CFAP65: variants seen among roughly 807,000 people sequenced by gnomAD.
CFAP65 encodes cilia- and flagella-associated protein 65.
CFAP65 carries 155 observed loss-of-function variants against 208.0 expected under a neutral mutation model. The observed-to-expected ratio is 0.75, with a 90% CI of 0.65 to 0.85. The LOEUF (loss-of-function observed/expected upper bound fraction) is 0.85. Ranked by LOEUF, CFAP65 falls within the 40% of genes least tolerant of loss-of-function variation. The pLI is 0.00. For synonymous variants in CFAP65, 970 were observed against 986.3 expected (o/e 0.98, Z 0.31); for missense variants, 2,294 against 2,451.3 (o/e 0.94, Z 1.36).
Position 219,032,673 on chromosome 2 carries a change from C to A in CFAP65, c.543-101G>T. The A allele has an allele frequency of 1.0e-6, 1 of 991,884 alleles. No individual in the cohort carries two copies. The highest frequency in any genetic ancestry group is 1.5e-6 in the Non-Finnish European group (1 of 669,946). The allele number at this position is 991,884 out of a possible 1,614,324, so 61.4% of individuals were successfully genotyped here. On this transcript the variant is annotated intron_variant, in intron 5 of 34. Transcript: ENST00000341552. The surrounding 1 kb of genome is among the most constrained non-coding windows in gnomAD (Gnocchi z 5.5). ...CCCTGCAGCCAAGGGAGCTTGAGTC[C>A]CTGGGACCACAGAGAAAGCGATCAG... is the stretch of plus-strand genomic sequence containing the variant.
rs1259495500 is a variant in CFAP65, at chr2:219,023,407, C to T, written c.2620G>A (p.Glu874Lys). The T allele has an allele frequency of 1.3e-6, 2 of 1,584,148 alleles. No homozygotes were observed. The highest frequency in any genetic ancestry group is 1.2e-5 in the South Asian group (1 of 86,888). Residue 874 changes from glutamate to lysine, a missense_variant, in exon 16 of 35, where the codon GAG becomes AAG. By Grantham distance (56) the Glu-to-Lys change is moderately conservative. Coordinates refer to ENST00000341552, the MANE Select transcript of CFAP65 (RefSeq NM_194302.4). ...LKEVSMYSRE[E>K]PLQLKLDTHK... is the part of the protein sequence containing the mutation. ...GTGTCCAGCTTCAGCTGCAGTGGCT[C>T]CTCCCGGCTGTACATGCTCACCTCC...
intron 29 of CFAP65, 33 bp downstream of exon 29, chr2:219,009,014 C>A (rs960781011): frequency 3.2e-6 from 5 of 1,564,358 alleles, no homozygotes; most frequent in Non-Finnish European, 4.4e-6. Flanking sequence ...TCAGAAAGAT[C>A]TGGGTGTTTG....
Position 219,027,755 on chromosome 2 carries a change from G to A in CFAP65, c.2106C>T (p.Ser702=). ...TGGACTTGAGTGGGGGCACGTCGCA[G>A]CTCTCTGGAGTCACCCAGAAGGGGC... ...SDCPFWVTPE[S]CDVPPLKSMA... The change falls in exon 13 of 35, where the codon AGC becomes AGT. Residue 702 remains serine, a synonymous_variant. Transcript: ENST00000341552. 2 of 1,614,124 alleles carry A rather than the reference G, an allele frequency of 1.2e-6. No individual in the cohort carries two copies. Among genetic ancestry groups the A allele is most frequent in the Non-Finnish European group, 1.7e-6 (2 of 1,180,028 alleles).
At chr2:219,019,221 C>T (rs781184009) in intron 20 of CFAP65, 42 bp from the exon 21 acceptor site, 4 of 1,578,048 alleles carry the variant, frequency 2.5e-6, no homozygotes, top group Non-Finnish European at 3.4e-6. Flanking sequence ...GGGGATGGGG[C>T]CAGGGCAGGG....
In CFAP65 at chr2:219,024,147, G is replaced by A; in HGVS notation, c.2463C>T (p.Ile821=). The A allele has an allele frequency of 6.2e-7, 1 of 1,614,048 alleles. No individual in the cohort carries two copies. The highest frequency in any genetic ancestry group is 1.3e-5 in the African/African-American group (1 of 75,070). ...CCACAAGGCCCGAAGTGGGCCGAAG[G>A]ATGACGTCTGAGCCTCTCTGGGGGG... ...SLAPQRGSDV[I]LRPTSGLVAP... The change falls in exon 15 of 35, where the codon ATC becomes ATT. Residue 821 remains isoleucine, a synonymous_variant. Transcript: ENST00000341552.
At chr2:219,013,416 T>A in intron 23 of CFAP65, 47 bp from the exon 24 acceptor site, 1 of 1,546,574 alleles carries the variant, frequency 6.5e-7, no homozygotes, top group Non-Finnish European at 8.8e-7. Context: ...CCAGTGGAGA[T>A]CTGGACCCCA....
chr2:219,025,625 C>T (rs888332407), intron 14 of CFAP65, among the ~76,000 whole-genome samples: 2 of 152,166 alleles, frequency 1.3e-5, no homozygotes, highest in African/African-American at 4.8e-5. Context: ...GGGCAGGGTG[C>T]TTCCCAAAGG....
At chr2:219,038,677 T>A (rs1436775820) in intron 3 of CFAP65, 99 bp from the exon 4 acceptor site, 2 of 1,247,626 alleles carry the variant, frequency 1.6e-6, no homozygotes, top group Non-Finnish European at 2.3e-6. Context: ...GAGGAGAGGG[T>A]CTGCTTCCCA....
At chr2:219,018,552 T>G (rs998459171) in intron 21 of CFAP65, 1 of 159,304 alleles carries the variant, frequency 6.3e-6, no homozygotes, top group Non-Finnish European at 1.4e-5. Context: ...TCAGTCTTCT[T>G]GCTGACTAAC....
rs141610482 is a variant in CFAP65, at chr2:219,035,746, G to T, written c.358-82C>A. ...GCCAAGACCCAGAGAACAGGTGAAG[G>T]TCTTCGTCCTCCACCACCAAGAAAA... On this transcript the variant is annotated intron_variant, in intron 4 of 34. Transcript: ENST00000341552. 233 of 1,512,914 alleles carry T rather than the reference G, an allele frequency of 1.5e-4. No homozygotes were observed. The East Asian group carries it at 5.2e-3, about 34-fold the overall frequency. 93.7% of individuals were successfully genotyped at this position (1,512,914 alleles called of 1,614,324 possible). A position where few individuals can be genotyped will look rare whatever the true frequency, so the allele number is the denominator to read the frequency against.
chr2:219,013,383 TTCC>T lies in CFAP65; in HGVS notation c.3847-17_3847-15del. 2.5e-6 allele frequency: 4 copies of T among 1,598,922 alleles called. No individual in the cohort carries two copies. The highest frequency in any genetic ancestry group is 3.4e-6 in the Non-Finnish European group (4 of 1,170,070). On this transcript the variant is annotated splice_polypyrimidine_tract_variant and intron_variant, in intron 23 of 34. Transcript: ENST00000341552. ...TATGAAATTTAGCTGGAAATAAAAG[TTCC>T]CCCGGAGGAACTGACACAGCCAGTG...
Position 219,030,722 on chromosome 2 carries a change from C to G in CFAP65, c.1128G>C (p.Ser376=). 1 of 1,614,144 alleles carries G rather than the reference C, an allele frequency of 6.2e-7. No individual in the cohort carries two copies. The highest frequency in any genetic ancestry group is 1.1e-5 in the South Asian group (1 of 91,088). Residue 376 remains serine (S), a synonymous_variant, in exon 9 of 35, where the codon TCG becomes TCC. Transcript: ENST00000341552. Reference sequence around the variant, plus strand: ...GGTTGTGTAGCCTGATCTGCCTCTCCGAGGTGCAGCCCACAGCAACAGAGC... The same window carrying G: ...GGTTGTGTAGCCTGATCTGCCTCTCGGAGGTGCAGCCCACAGCAACAGAGC... ...YFGSVAVGCT[S]ERQIRLHNPS...
intron 29 of CFAP65, 58 bp downstream of exon 29, chr2:219,008,989 C>T: frequency 1.4e-6 from 2 of 1,469,522 alleles, no homozygotes; most frequent in Non-Finnish European, 1.9e-6. Flanking sequence ...CCTCTGTCCC[C>T]TCTGGTAAGG....
At position 219,009,380 on chromosome 2, in the gene CFAP65, A is replaced by G. The variant is rs2106086884; in HGVS notation, c.4533T>C (p.His1511=). The G allele has an allele frequency of 6.2e-7, 1 of 1,612,708 alleles. No homozygotes were observed. Among genetic ancestry groups the G allele is most frequent in the African/African-American group, 1.3e-5 (1 of 75,032 alleles). Residue 1511 remains histidine (H), a synonymous_variant, in exon 28 of 35, where the codon CAT becomes CAC. Transcript: ENST00000341552. The stretch of plus-strand genomic sequence containing the variant: ...CCAGGTCTGCACTGTAGAAGCTGGC[A>G]TGCACAGAGGCCCTCAAGGTCACCA... ...PFVVTLRASV[H]ASFYSADLVC...
Position 219,032,567 on chromosome 2 carries a change from G to T in CFAP65, c.548C>A (p.Pro183His). 1 of 1,597,178 alleles carries T rather than the reference G, an allele frequency of 6.3e-7. No homozygotes were observed. Among genetic ancestry groups the T allele is most frequent in the East Asian group, 2.3e-5 (1 of 44,118 alleles). Residue 183 changes from proline (P) to histidine (H), a missense_variant, in exon 6 of 35, where the codon CCC becomes CAC. Around this residue, in one of 2 missense-constraint regions of CFAP65, gnomAD observed 867 missense variants for 1,012.6 expected, o/e 0.86. Transcript: ENST00000341552. The surrounding 1 kb of genome is among the most constrained non-coding windows in gnomAD (Gnocchi z 5.5). ...LKLQKMKYRP[P>H]KTKFFFTVIP... ...GACCGTGAAGAAGAACTTGGTCTTG[G>T]GGGGCCTGCAGGAGAGAGCCGGTGG...
Position 219,032,684 on chromosome 2 carries a change from A to C in CFAP65, c.543-112T>G. 3 of 880,308 alleles carry C rather than the reference A, an allele frequency of 3.4e-6. No individual in the cohort carries two copies. Among genetic ancestry groups the C allele is most frequent in the Non-Finnish European group, 1.7e-6 (1 of 576,018 alleles). The allele number at this position is 880,308 out of a possible 1,614,324, so 54.5% of individuals were successfully genotyped here. On this transcript the variant is annotated intron_variant, in intron 5 of 34. Transcript: ENST00000341552. The surrounding 1 kb of genome is among the most constrained non-coding windows in gnomAD (Gnocchi z 5.5). The stretch of plus-strand genomic sequence containing the variant: ...AGGGAGCTTGAGTCCCTGGGACCAC[A>C]GAGAAAGCGATCAGGAGATGAGCAC...
intron 18 of CFAP65, 120 bp from the exon 19 acceptor site, chr2:219,021,400 C>G (rs1947255084): frequency 8.1e-7 from 1 of 1,241,330 alleles, no homozygotes; most frequent in Non-Finnish European, 1.1e-6. Context: ...AGGCAGGAAA[C>G]AGGGAGTGGA....
chr2:219,024,192 C>T lies in CFAP65; in HGVS notation c.2418G>A (p.Lys806=), dbSNP rs368984324. The T allele has an allele frequency of 2.5e-6, 4 of 1,613,866 alleles. No individual in the cohort carries two copies. The African/African-American group carries it at 5.3e-5, about 22-fold the overall frequency. ...GGGGGGCCAGGCTGAAGGTCAGCAGCTTGCAGTCTTTGTTGACCAGGAGCA... is the reference window on the plus strand; with the variant it reads ...GGGGGGCCAGGCTGAAGGTCAGCAGTTTGCAGTCTTTGTTGACCAGGAGCA... ...RSLLLVNKDC[K]LLTFSLAPQR... is the part of the protein sequence containing the mutation. The change falls in exon 15 of 35, where the codon AAG becomes AAA. Residue 806 remains lysine (K), a synonymous_variant. Coordinates refer to ENST00000341552, the MANE Select transcript of CFAP65 (RefSeq NM_194302.4).
At chr2:219,023,085 T>G (rs1947373940) in intron 16 of CFAP65, 122 bp downstream of exon 16, 1 of 772,022 alleles carries the variant, frequency 1.3e-6, no homozygotes. Context: ...CATCGCCAGG[T>G]GGGGGAAGTT....
Sources: gnomAD v4.1 joint callset for allele counts (sites outside exome capture counted in the v4.1 genomes callset) on GRCh38, gnomAD v4.1.1 for gene constraint, gnomAD v4.1.1 regional missense constraint, Gnocchi (gnomAD v3.1) non-coding constraint, MANE v1.5 for transcripts, NCBI Gene and HGNC (gene_info 2026-07-23, HGNC 2026-07-21) for gene names.